PSMB7: variants seen among roughly 807,000 people sequenced by gnomAD.
The protein encoded by PSMB7 is proteasome 20S subunit beta 7, also known as proteasome subunit beta type-7.
In PSMB7, 5 loss-of-function variants were observed where a neutral mutation model predicts 28.1. That is an observed-to-expected ratio of 0.18 (90% CI 0.09 to 0.37). PSMB7 has a LOEUF of 0.37. Ranked by LOEUF, PSMB7 falls within the 10% of genes least tolerant of loss-of-function variation. The pLI is 1.00. For synonymous variants in PSMB7, 122 were observed against 123.7 expected, an observed-to-expected ratio of 0.99 and a Z score of 0.09; for missense variants, 275 against 346.2, an observed-to-expected ratio of 0.79 and a Z score of 1.63.
At chr9:124,369,620 C>G (rs940729549) in intron 6 of PSMB7, among the ~76,000 whole-genome samples, 1 of 152,144 alleles carries the variant, frequency 6.6e-6, no homozygotes, top group African/African-American at 2.4e-5. Context: ...GAAATGACCG[C>G]CCAGACAACT....
At position 124,415,373 on chromosome 9, in the gene PSMB7, T is replaced by C. The variant is rs1451474693; in HGVS notation, c.53A>G (p.Asn18Ser). Residue 18 changes from asparagine (N) to serine (S), a missense_variant, in exon 1 of 8, where the codon AAC becomes AGC. This residue lies in a region of PSMB7 where 62 missense variants were observed against 43.9 expected (regional missense o/e 1.41). Transcript: ENST00000259457. ...APPVGGFSFDNCRRNAVLEAD... is the reference protein window; with the variant it reads ...APPVGGFSFDSCRRNAVLEAD... ...CCAAGCAAGGCGGCACCTGCGGCAG[T>C]TATCAAAAGAGAAGCCTCCAACTGG... 4.3e-6 allele frequency: 7 copies of C among 1,614,012 alleles called. No individual in the cohort carries two copies. Among genetic ancestry groups the C allele is most frequent in the Non-Finnish European group, 5.9e-6 (7 of 1,179,992 alleles).
chr9:124,355,735 G>A (rs1391916775), intron 7 of PSMB7, among the ~76,000 whole-genome samples: 2 of 152,102 alleles, frequency 1.3e-5, no homozygotes, highest in African/African-American at 4.8e-5. Flanking sequence ...TGATTTGCTG[G>A]AAGCCACCAA....
chr9:124,357,044 A>C, intron 6 of PSMB7, 129 bp from the exon 7 acceptor site: 11 of 1,031,490 alleles, frequency 1.1e-5, no homozygotes, highest in Non-Finnish European at 1.4e-5. Context: ...TGCCCATCTC[A>C]CAGATGAGGA....
At chr9:124,361,338 C>T (rs1400675247) in intron 6 of PSMB7, among the ~76,000 whole-genome samples, 1 of 152,214 alleles carries the variant, frequency 6.6e-6, no homozygotes, top group Non-Finnish European at 1.5e-5. Flanking sequence ...TTTACCGCTA[C>T]ATGACAAATG....
At chr9:124,415,136 G>C (rs1489823964) in intron 1 of PSMB7, 1 of 631,748 alleles carries the variant, frequency 1.6e-6, no homozygotes, top group Non-Finnish European at 2.7e-6. Context: ...CGTGCCTTAG[G>C]AGACGGAGAT....
intron 2 of PSMB7, 99 bp downstream of exon 2, chr9:124,414,743 T>C: frequency 4.2e-6 from 4 of 947,306 alleles, no homozygotes; most frequent in Non-Finnish European, 6.7e-6. Flanking sequence ...TCTATAGCAT[T>C]TGCCTTTCCA....
At position 124,405,846 on chromosome 9, in the gene PSMB7, C is replaced by T. The variant is rs544520091; in HGVS notation, c.396-414G>A. ...TACAGGTGTGCACCACCACACCTGG[C>T]TAATTTTTGTATTTTTTTTTGGAGA... is the stretch of plus-strand genomic sequence containing the variant. On this transcript the variant is annotated intron_variant, in intron 4 of 7. Transcript: ENST00000259457. 3.3e-5 allele frequency among the ~76,000 whole-genome samples: 5 copies of T among 152,104 alleles called. No homozygotes were observed. In the South Asian group the frequency reaches 1.0e-3, roughly 32 times the overall value.
intron 4 of PSMB7, among the ~76,000 whole-genome samples, chr9:124,411,137 G>A (rs557449677): frequency 9.2e-5 from 14 of 152,038 alleles, no homozygotes; most frequent in East Asian, 3.9e-4. Context: ...CACCATGCCC[G>A]GCTATTTTTG....
intron 4 of PSMB7, among the ~76,000 whole-genome samples, chr9:124,408,229 C>A (rs879871581): frequency 1.3e-5 from 2 of 151,954 alleles, no homozygotes; most frequent in Non-Finnish European, 2.9e-5. Flanking sequence ...TTTTCTCCTG[C>A]GCTACTGACG....
At chr9:124,382,605 G>A (rs1007130106) in intron 6 of PSMB7, among the ~76,000 whole-genome samples, 4 of 152,192 alleles carry the variant, frequency 2.6e-5, no homozygotes, top group Admixed American at 6.5e-5. Flanking sequence ...ACCTAAAATT[G>A]TCCATTTAAA....
intron 5 of PSMB7, among the ~76,000 whole-genome samples, chr9:124,394,112 C>T (rs147741430): frequency 6.6e-6 from 1 of 152,292 alleles, no homozygotes; most frequent in African/African-American, 2.4e-5. Flanking sequence ...AATTGATGGA[C>T]TAGACAGTAT....
intron 3 of PSMB7, 52 bp from the exon 4 acceptor site, chr9:124,412,544 A>T (rs773612287): frequency 8.4e-5 from 133 of 1,591,974 alleles, no homozygotes; most frequent in Non-Finnish European, 1.1e-4. Context: ...AGAGGGCTCA[A>T]TTAGAAGTAA....
At chr9:124,387,563 G>C (rs1830738908) in intron 5 of PSMB7, among the ~76,000 whole-genome samples, 1 of 152,084 alleles carries the variant, frequency 6.6e-6, no homozygotes, top group African/African-American at 2.4e-5. Context: ...TGCTTCCCAT[G>C]AAATCAAAGA....
At chr9:124,360,669 C>T (rs1000469805) in intron 6 of PSMB7, among the ~76,000 whole-genome samples, 5 of 152,216 alleles carry the variant, frequency 3.3e-5, no homozygotes, top group South Asian at 2.1e-4. Flanking sequence ...ATGACCCTGA[C>T]GATTAAACAC....
intron 6 of PSMB7, among the ~76,000 whole-genome samples, chr9:124,383,376 GA>G (rs1564680449): frequency 6.6e-6 from 1 of 152,146 alleles, no homozygotes; most frequent in East Asian, 1.9e-4. Flanking sequence ...TCCGAGAAGC[GA>G]AGAAATCTTG....
In PSMB7 at chr9:124,379,955, A is replaced by G. The variant is rs923363478; in HGVS notation, c.570+4643T>C. On this transcript the variant is annotated intron_variant, in intron 6 of 7. Coordinates refer to ENST00000259457, the MANE Select transcript of PSMB7 (RefSeq NM_002799.4). ...ATACTGAACCTCAGGAGCTAAGAAC[A>G]GAGATGACTTCATGGCCCCTGCCCT... is the stretch of plus-strand genomic sequence containing the variant. Among the ~76,000 whole-genome samples, 3 of 152,254 alleles carry G rather than the reference A, an allele frequency of 2.0e-5. No homozygotes were observed. The South Asian group carries it at 6.2e-4, about 31-fold the overall frequency.
intron 6 of PSMB7, among the ~76,000 whole-genome samples, chr9:124,381,355 A>C (rs1439235308): frequency 6.6e-6 from 1 of 152,244 alleles, no homozygotes; most frequent in Non-Finnish European, 1.5e-5. Context: ...GTCTGGCCTA[A>C]AAATTACTGT....
intron 5 of PSMB7, among the ~76,000 whole-genome samples, chr9:124,389,194 A>C (rs1277594231): frequency 6.6e-6 from 1 of 152,226 alleles, no homozygotes; most frequent in East Asian, 1.9e-4. Context: ...AGGGCCTTAA[A>C]AACCACAAAA....
intron 5 of PSMB7, among the ~76,000 whole-genome samples, chr9:124,396,366 G>A (rs992886951): frequency 1.3e-5 from 2 of 152,040 alleles, no homozygotes; most frequent in East Asian, 1.9e-4. Flanking sequence ...TTAGCGTAAC[G>A]ATGGCAAATC....
Sources: allele counts gnomAD v4.1 joint callset (sites outside exome capture counted in the v4.1 genomes callset), GRCh38; gene constraint gnomAD v4.1.1; regional missense constraint gnomAD v4.1.1; transcripts MANE v1.5; gene names NCBI Gene and HGNC (gene_info 2026-07-23, HGNC 2026-07-21).